PLEKHA5: variants seen among roughly 807,000 people sequenced by gnomAD.
The protein encoded by PLEKHA5 is pleckstrin homology domain containing A5.
Under a neutral mutation model 181.9 loss-of-function variants are expected in PLEKHA5, and 55 were observed. The observed-to-expected ratio is 0.30, with a 90% CI of 0.24 to 0.38. The LOEUF (loss-of-function observed/expected upper bound fraction) is 0.38, where lower values mean the gene tolerates loss of function less well. Among genes scored for constraint, PLEKHA5 ranks in the 10% least tolerant of loss-of-function variants. The probability of loss-of-function intolerance (pLI) is 1.00; values close to 1 mark genes in which losing one functional copy is unlikely to be tolerated. For synonymous variants in PLEKHA5, 535 were observed against 529.4 expected (o/e 1.01, Z -0.15); for missense variants, 1,432 against 1,549.5 (o/e 0.92, Z 1.27).
Position 19,130,108 on chromosome 12 carries a change from C to T in PLEKHA5, c.147C>T (p.Thr49=), listed in dbSNP as rs1254252528. Residue 49 remains threonine (T), a synonymous_variant, in exon 2 of 32, where the codon ACC becomes ACT. Transcript: ENST00000429027. The surrounding 1 kb of genome is among the most constrained non-coding windows in gnomAD (Gnocchi z 4.5). ...LHPVTGEAVV[T]GHRRQSTDLP... is the part of the protein sequence containing the mutation. ...CCGTCACCGGCGAGGCGGTGGTCAC[C>T]GGACACCGGCGGCAGAGCACAGGTA... The T allele has an allele frequency of 2.5e-6, 4 of 1,580,812 alleles. No individual in the cohort carries two copies. Among genetic ancestry groups the T allele is most frequent in the Non-Finnish European group, 3.4e-6 (4 of 1,164,938 alleles).
At chr12:19,261,809 AG>A (rs1318304494) in intron 7 of PLEKHA5, among the ~76,000 whole-genome samples, 1 of 152,220 alleles carries the variant, frequency 6.6e-6, no homozygotes, top group Non-Finnish European at 1.5e-5. Context: ...ACTGATTAGC[AG>A]TTTCTACATT....
chr12:19,310,036 T>C (rs1317816743), intron 15 of PLEKHA5, among the ~76,000 whole-genome samples: 2 of 152,218 alleles, frequency 1.3e-5, no homozygotes, highest in Non-Finnish European at 2.9e-5. Flanking sequence ...TACATTTTCA[T>C]TCCTATTATT....
chr12:19,223,401 T>C (rs1208311402), intron 3 of PLEKHA5, among the ~76,000 whole-genome samples: 1 of 152,178 alleles, frequency 6.6e-6, no homozygotes, highest in African/African-American at 2.4e-5. Flanking sequence ...AATGTTTATA[T>C]AGTTGTTTTC....
intron 10 of PLEKHA5, among the ~76,000 whole-genome samples, chr12:19,272,027 A>G (rs1329985235): frequency 1.3e-5 from 2 of 152,194 alleles, no homozygotes; most frequent in East Asian, 3.8e-4. Context: ...AATACTTAAA[A>G]TATTTATCAG....
intron 21 of PLEKHA5, among the ~76,000 whole-genome samples, chr12:19,338,970 G>A (rs1226230130): frequency 6.6e-6 from 1 of 151,516 alleles, no homozygotes; most frequent in Non-Finnish European, 1.5e-5. Flanking sequence ...GATATTACTA[G>A]AGGTCAGCAA....
At chr12:19,168,729 A>G (rs1352253573) in intron 3 of PLEKHA5, among the ~76,000 whole-genome samples, 1 of 152,156 alleles carries the variant, frequency 6.6e-6, no homozygotes, top group East Asian at 1.9e-4. Flanking sequence ...GAGTGTAATA[A>G]TAATGGATAA....
intron 15 of PLEKHA5, chr12:19,307,568 A>G (rs2084465118): frequency 1.2e-5 from 4 of 325,354 alleles, no homozygotes; most frequent in Non-Finnish European, 2.5e-5. Context: ...GAAGGCATTC[A>G]AGATCACATT....
At chr12:19,353,198 G>A (rs879148205) in intron 25 of PLEKHA5, among the ~76,000 whole-genome samples, 1 of 151,884 alleles carries the variant, frequency 6.6e-6, no homozygotes, top group Admixed American at 6.6e-5. Flanking sequence ...CTGTCACCCA[G>A]GCTGGAGTGC....
chr12:19,298,784 C>T (rs1197412463), intron 15 of PLEKHA5, among the ~76,000 whole-genome samples: 3 of 152,168 alleles, frequency 2.0e-5, no homozygotes, highest in African/African-American at 7.2e-5. Context: ...GGTCATGTCA[C>T]AAGCATTTAT....
rs1167881668 is a variant in PLEKHA5, at chr12:19,336,592, G to C, written c.2526G>C (p.Gln842His). Residue 842 changes from glutamine (Q) to histidine (H), a missense_variant, in exon 21 of 32, where the codon CAG becomes CAC. Transcript: ENST00000429027. ...TTACCAGGAACCAGATGCAAGAGCA[G>C]CTGGATCACCTTGGTGAAGTTCAGG... ...VTVTRNQMQE[Q>H]LDHLGEVQTE... The C allele has an allele frequency of 1.3e-6, 2 of 1,593,932 alleles. No individual in the cohort carries two copies.
chr12:19,322,711 T>G, intron 20 of PLEKHA5, 44 bp downstream of exon 20: 2 of 1,409,990 alleles, frequency 1.4e-6, no homozygotes, highest in Non-Finnish European at 9.9e-7. Flanking sequence ...AGCTTAAATA[T>G]GTAGTTCTAT....
At chr12:19,348,027 C>A (rs113904299) in intron 24 of PLEKHA5, among the ~76,000 whole-genome samples, 1 of 151,676 alleles carries the variant, frequency 6.6e-6, no homozygotes, top group Non-Finnish European at 1.5e-5. Context: ...GGATTATAGG[C>A]GCACACCACC....
intron 15 of PLEKHA5, chr12:19,306,592 C>A: frequency 1.2e-6 from 1 of 826,934 alleles, no homozygotes; most frequent in Non-Finnish European, 2.1e-6. Context: ...CGGGCCCTAG[C>A]GGCGGGCCCA....
At chr12:19,132,368 A>C in intron 2 of PLEKHA5, 25 bp from the exon 3 acceptor site, 1 of 1,159,626 alleles carries the variant, frequency 8.6e-7, no homozygotes, top group East Asian at 2.4e-5. Flanking sequence ...AAGTAATACT[A>C]ATTGTAATAT....
Position 19,274,728 on chromosome 12 carries a change from A to G in PLEKHA5, c.1058A>G (p.Asn353Ser). 4 of 1,614,136 alleles carry G rather than the reference A, an allele frequency of 2.5e-6. No homozygotes were observed. Among genetic ancestry groups the G allele is most frequent in the Non-Finnish European group, 3.4e-6 (4 of 1,179,940 alleles). Reference sequence around the variant, plus strand: ...ACAAAAATTAATAGTGTAAAGCTGAATTCTCTGCCATCTGAATATGAGAGT... The same window carrying G: ...ACAAAAATTAATAGTGTAAAGCTGAGTTCTCTGCCATCTGAATATGAGAGT... ...PLTKINSVKL[N>S]SLPSEYESGS... Residue 353 changes from asparagine (N) to serine (S), a missense_variant, in exon 11 of 32, where the codon AAT (asparagine) becomes AGT (serine). Physicochemically the swap from Asn to Ser is conservative, Grantham distance 46. Coordinates refer to ENST00000429027, the MANE Select transcript of PLEKHA5 (RefSeq NM_001256470.2).
chr12:19,266,916 A>G (rs1246179324), intron 8 of PLEKHA5, among the ~76,000 whole-genome samples: 1 of 152,180 alleles, frequency 6.6e-6, no homozygotes, highest in Admixed American at 6.6e-5. Flanking sequence ...GTCTAAGTAC[A>G]TCATGATCAT....
rs548247479 is a variant in PLEKHA5 at position 19,198,086 on chromosome 12, C to G, written c.228-55854C>G. On this transcript the variant is annotated intron_variant, in intron 3 of 31. Coordinates refer to ENST00000429027, the MANE Select transcript of PLEKHA5 (RefSeq NM_001256470.2). ...CAACTGTGGCAGCCTCTTTGCTTTTCCCCTGCTTCTCCGCTCTTGACCCTT... is the reference window on the plus strand; with the variant it reads ...CAACTGTGGCAGCCTCTTTGCTTTTGCCCTGCTTCTCCGCTCTTGACCCTT... 2.0e-5 allele frequency among the ~76,000 whole-genome samples: 3 copies of G among 152,296 alleles called. No individual in the cohort carries two copies. The South Asian group carries it at 6.2e-4, about 32-fold the overall frequency.
chr12:19,186,339 G>A (rs2049858056), intron 3 of PLEKHA5, among the ~76,000 whole-genome samples: 1 of 152,174 alleles, frequency 6.6e-6, no homozygotes, highest in Non-Finnish European at 1.5e-5. Flanking sequence ...TGTCACATCT[G>A]CAGTCAGATA....
chr12:19,338,662 T>C (rs1267742988), intron 21 of PLEKHA5, among the ~76,000 whole-genome samples: 2 of 151,110 alleles, frequency 1.3e-5, no homozygotes, highest in Admixed American at 1.3e-4. Context: ...CAAGCCCAGT[T>C]TGTCTAAATT....
Sources: gnomAD v4.1 joint callset for allele counts (sites outside exome capture counted in the v4.1 genomes callset) on GRCh38, gnomAD v4.1.1 for gene constraint, Gnocchi (gnomAD v3.1) non-coding constraint, MANE v1.5 for transcripts, NCBI Gene and HGNC (gene_info 2026-07-23, HGNC 2026-07-21) for gene names.